The following CSMD3 variants were observed in gnomAD, a reference collection of about 807,000 sequenced individuals.
The protein encoded by CSMD3 is CUB and Sushi multiple domains 3.
CSMD3 carries 177 observed loss-of-function variants against 435.2 expected under a neutral mutation model. That is an observed-to-expected ratio of 0.41 (90% CI 0.36 to 0.46). The LOEUF (loss-of-function observed/expected upper bound fraction) is 0.46, where lower values mean the gene tolerates loss of function less well. Ranked by LOEUF, CSMD3 falls within the 20% of genes least tolerant of loss-of-function variation. The probability of loss-of-function intolerance (pLI) is 0.34; values close to 1 mark genes in which losing one functional copy is unlikely to be tolerated. For missense variants in CSMD3, 4,265 were observed against 4,504.6 expected (o/e 0.95, Z 1.52); for synonymous variants, 1,656 against 1,520.5 (o/e 1.09, Z -2.07).
chr8:113,405,010 A>T (rs1414878338), intron 1 of CSMD3, among the ~76,000 whole-genome samples: 1 of 151,520 alleles, frequency 6.6e-6, no homozygotes, highest in African/African-American at 2.4e-5. Flanking sequence ...AGAGGAACTT[A>T]ATTTGTCTAG....
At chr8:112,674,921 T>C (rs1025473916) in intron 16 of CSMD3, among the ~76,000 whole-genome samples, 1 of 152,092 alleles carries the variant, frequency 6.6e-6, no homozygotes, top group African/African-American at 2.4e-5. Flanking sequence ...AGATGAATGA[T>C]AGAGAAAGAC....
chr8:112,299,681 C>T (rs2130742491), intron 53 of CSMD3, among the ~76,000 whole-genome samples: 1 of 152,066 alleles, frequency 6.6e-6, no homozygotes, highest in African/African-American at 2.4e-5. Flanking sequence ...ATTCTCATGG[C>T]CGTTCTAAGC....
intron 38 of CSMD3, among the ~76,000 whole-genome samples, chr8:112,371,400 A>G (rs1382668009): frequency 6.6e-6 from 1 of 152,168 alleles, no homozygotes; most frequent in Admixed American, 6.5e-5. Context: ...TAAGGTCCTG[A>G]GAACCAATGA....
chr8:113,351,190 G>A (rs1229175059), intron 1 of CSMD3, among the ~76,000 whole-genome samples: 6 of 152,094 alleles, frequency 3.9e-5, no homozygotes, highest in Non-Finnish European at 7.4e-5. Flanking sequence ...TGTTGGATAA[G>A]TGGATAAATG....
Position 113,254,806 on chromosome 8 carries a change from T to C in CSMD3, c.514+23786A>G, listed in dbSNP as rs558189419. ...CTGTTTTATCTGAAACTTTTAATTA[T>C]TTTTTTAATTCCAACAATTTAGATT... On this transcript the variant is annotated intron_variant, in intron 3 of 70. Transcript: ENST00000297405. 2.6e-5 allele frequency among the ~76,000 whole-genome samples: 4 copies of C among 152,280 alleles called. No individual in the cohort carries two copies. In the East Asian group the frequency reaches 7.7e-4, roughly 29 times the overall value.
Position 112,556,876 on chromosome 8 carries a change from C to A in CSMD3, c.4121G>T (p.Gly1374Val), listed in dbSNP as rs2131225502. ...ATTGCATCCATAAATGATGGTGCTA[C>A]CAGCAAAGTGGCCTTGGTCACTGAT... ...YKISDQGHFA[G>V]STIIYGCNPG... Residue 1374 changes from glycine to valine, a missense_variant, in exon 25 of 71, where the codon GGT becomes GTT. By Grantham distance (109) the Gly-to-Val change is moderately radical. Around this residue, in one of 3 missense-constraint regions of CSMD3, gnomAD observed 3,255 missense variants for 3,380.2 expected, o/e 0.96. Coordinates refer to ENST00000297405, the MANE Select transcript of CSMD3 (RefSeq NM_198123.2). 1 of 1,611,810 alleles carries A rather than the reference C, an allele frequency of 6.2e-7. No homozygotes were observed. Among genetic ancestry groups the A allele is most frequent in the Non-Finnish European group, 8.5e-7 (1 of 1,178,448 alleles).
At chr8:112,536,243 A>C (rs1008979478) in intron 27 of CSMD3, among the ~76,000 whole-genome samples, 6 of 148,868 alleles carry the variant, frequency 4.0e-5, no homozygotes, top group Non-Finnish European at 7.4e-5. Context: ...GCAACCTACA[A>C]AATGGGAGAA....
chr8:112,260,106 A>C (rs1005053136), intron 61 of CSMD3, among the ~76,000 whole-genome samples: 11 of 152,220 alleles, frequency 7.2e-5, no homozygotes, highest in African/African-American at 2.7e-4. Flanking sequence ...TTAATTCATA[A>C]AGACATAAAC....
chr8:112,453,876 C>T (rs545045262), intron 32 of CSMD3, among the ~76,000 whole-genome samples: 30 of 152,206 alleles, frequency 2.0e-4, no homozygotes, highest in African/African-American at 5.3e-4. Context: ...TATAAGGCTA[C>T]GGTAACCAAA....
chr8:112,453,678 T>G (rs901471311), intron 32 of CSMD3, among the ~76,000 whole-genome samples: 1 of 152,260 alleles, frequency 6.6e-6, no homozygotes, highest in Admixed American at 6.5e-5. Context: ...GTTAAAATGG[T>G]CATATTGCCA....
At chr8:112,695,574 A>G (rs949581945) in intron 13 of CSMD3, among the ~76,000 whole-genome samples, 2 of 152,196 alleles carry the variant, frequency 1.3e-5, no homozygotes, top group African/African-American at 2.4e-5. Context: ...TATTGATGGG[A>G]CGTATCTAAA....
intron 59 of CSMD3, among the ~76,000 whole-genome samples, chr8:112,274,169 A>G (rs917272113): frequency 1.1e-3 from 163 of 152,042 alleles, no homozygotes; most frequent in Non-Finnish European, 1.1e-3. Context: ...TGGAGTAACA[A>G]GGAAGAATTT....
At chr8:112,490,610 T>G (rs1820594259) in intron 31 of CSMD3, among the ~76,000 whole-genome samples, 1 of 152,136 alleles carries the variant, frequency 6.6e-6, no homozygotes, top group Admixed American at 6.5e-5. Context: ...CTTAATAATC[T>G]ATAGTTTTTT....
chr8:112,375,233 G>A (rs1245738935), intron 38 of CSMD3, among the ~76,000 whole-genome samples: 1 of 151,988 alleles, frequency 6.6e-6, no homozygotes, highest in Non-Finnish European at 1.5e-5. Flanking sequence ...TACACTACAG[G>A]GAAAAACATA....
chr8:113,417,282 C>A (rs577863399), intron 1 of CSMD3, among the ~76,000 whole-genome samples: 1 of 151,940 alleles, frequency 6.6e-6, no homozygotes, highest in African/African-American at 2.4e-5. Context: ...CAGGAAGGAA[C>A]AATTTTTGAG....
intron 40 of CSMD3, among the ~76,000 whole-genome samples, chr8:112,346,885 T>C (rs1377903580): frequency 6.6e-6 from 1 of 151,888 alleles, no homozygotes; most frequent in Non-Finnish European, 1.5e-5. Flanking sequence ...TTCATTGTGT[T>C]AGCCAGGATG....
chr8:113,323,542 A>G (rs138642617), intron 1 of CSMD3, among the ~76,000 whole-genome samples: 1 of 152,308 alleles, frequency 6.6e-6, no homozygotes, highest in East Asian at 1.9e-4. Context: ...TTGCCCTATA[A>G]GATTTCAAAA....
intron 13 of CSMD3, among the ~76,000 whole-genome samples, chr8:112,779,813 C>T (rs1184932573): frequency 6.6e-6 from 1 of 151,992 alleles, no homozygotes; most frequent in Non-Finnish European, 1.5e-5. Context: ...GCAAAAATCA[C>T]ATTGGGATTT....
At chr8:112,490,304 G>A (rs1249149916) in intron 31 of CSMD3, among the ~76,000 whole-genome samples, 1 of 152,050 alleles carries the variant, frequency 6.6e-6, no homozygotes, top group African/African-American at 2.4e-5. Flanking sequence ...TTGAATTCAG[G>A]TCTGCTGTAT....
Sources: allele counts gnomAD v4.1 joint callset (sites outside exome capture counted in the v4.1 genomes callset), GRCh38; gene constraint gnomAD v4.1.1; regional missense constraint gnomAD v4.1.1; transcripts MANE v1.5; gene names NCBI Gene and HGNC (gene_info 2026-07-23, HGNC 2026-07-21).